KLF8: variants seen among roughly 807,000 people sequenced by gnomAD.
KLF8 encodes the protein KLF transcription factor 8, also known as Krueppel-like factor 8.
In KLF8, 10 loss-of-function variants were observed where a neutral mutation model predicts 18.2. That is an observed-to-expected ratio of 0.55 (90% CI 0.34 to 0.93). The LOEUF is 0.93. KLF8 is among the 40% of genes least tolerant of loss of function. The pLI, the probability that KLF8 is intolerant of heterozygous loss-of-function variation, is 0.02. For missense variants in KLF8, 264 were observed against 277.9 expected, an observed-to-expected ratio of 0.95 and a Z score of 0.36; for synonymous variants, 109 against 97.3, an observed-to-expected ratio of 1.12 and a Z score of -0.71.
At chrX:55,998,299 C>A in the KLF8 span, among the ~76,000 whole-genome samples, 1 of 111,041 alleles carries the variant, frequency 9.0e-6, no homozygotes, top group Non-Finnish European at 1.9e-5. Flanking sequence ...TATACTAATC[C>A]TCCTCAGCAC....
the KLF8 span, among the ~76,000 whole-genome samples, chrX:56,213,848 G>GT: frequency 9.0e-6 from 1 of 111,357 alleles, no homozygotes; most frequent in East Asian, 2.8e-4. Flanking sequence ...CAGGATCAGT[G>GT]TGACAGGCTT....
At chrX:56,268,851 T>C in intron 3 of KLF8, 1 of 858,116 alleles carries the variant, frequency 1.2e-6, no homozygotes, top group Non-Finnish European at 1.4e-6. Context: ...AAAGGAAGGT[T>C]GTATCAAGCA....
At chrX:56,182,779 G>A in the KLF8 span, among the ~76,000 whole-genome samples, 1 of 112,736 alleles carries the variant, frequency 8.9e-6, no homozygotes, top group African/African-American at 3.2e-5. Context: ...AGGCTGCAGA[G>A]CAGAAAATAT....
the KLF8 span, among the ~76,000 whole-genome samples, chrX:56,085,864 G>A: frequency 8.9e-6 from 1 of 111,988 alleles, no homozygotes; most frequent in Non-Finnish European, 1.9e-5. Context: ...ATGGCAAGAT[G>A]GCAGCTTGAA....
chrX:56,277,796 C>T (rs1456961027), intron 5 of KLF8, among the ~76,000 whole-genome samples: 1 of 112,488 alleles, frequency 8.9e-6, no homozygotes, highest in Non-Finnish European at 1.9e-5. Context: ...AAGCCAGGAA[C>T]TCTAGTCAAA....
At chrX:55,964,545 C>A in the KLF8 span, among the ~76,000 whole-genome samples, 2 of 111,629 alleles carry the variant, frequency 1.8e-5, no homozygotes, top group Non-Finnish European at 3.8e-5. Flanking sequence ...CCACTGCACT[C>A]CAGCCTGGGT....
At chrX:56,086,325 C>T in the KLF8 span, among the ~76,000 whole-genome samples, 2 of 111,595 alleles carry the variant, frequency 1.8e-5, no homozygotes, top group East Asian at 5.6e-4. Flanking sequence ...TTAGTGACTC[C>T]ACCTCCCAGT....
the KLF8 span, among the ~76,000 whole-genome samples, chrX:56,192,739 T>C: frequency 8.9e-6 from 1 of 112,488 alleles, no homozygotes; most frequent in African/African-American, 3.2e-5. Flanking sequence ...TAAATGGTGC[T>C]GGGAAAACTG....
chrX:56,196,276 C>A, the KLF8 span, among the ~76,000 whole-genome samples: 1 of 111,478 alleles, frequency 9.0e-6, no homozygotes, highest in East Asian at 2.8e-4. Flanking sequence ...AATTAAAAGA[C>A]ACAGACTGGC....
At chrX:56,067,126 A>G in the KLF8 span, among the ~76,000 whole-genome samples, 1 of 106,978 alleles carries the variant, frequency 9.3e-6, no homozygotes, top group Non-Finnish European at 1.9e-5. Flanking sequence ...CTTCAAGATG[A>G]TACTGTCTAC....
the KLF8 span, among the ~76,000 whole-genome samples, chrX:56,161,210 T>G: frequency 2.7e-5 from 3 of 111,998 alleles, no homozygotes; most frequent in African/African-American, 3.2e-5. Context: ...GAATGCTGAA[T>G]ATTGGCCCCC....
At chrX:55,963,727 G>A in the KLF8 span, among the ~76,000 whole-genome samples, 10 of 111,364 alleles carry the variant, frequency 9.0e-5, no homozygotes, top group Non-Finnish European at 1.7e-4. Flanking sequence ...GGCAGAAAAC[G>A]AACAAAGATA....
At chrX:56,125,376 A>G in the KLF8 span, among the ~76,000 whole-genome samples, 1 of 111,846 alleles carries the variant, frequency 8.9e-6, no homozygotes, top group East Asian at 2.8e-4. Flanking sequence ...TCTGTCCTAT[A>G]CTAAAGATGG....
Position 56,237,399 on chromosome X carries a change from A to ATGTG in KLF8, c.7+4074_7+4077dup, listed in dbSNP as rs748941653. 2.0e-4 allele frequency among the ~76,000 whole-genome samples: 21 copies of ATGTG among 106,442 alleles called. No homozygotes were observed. The Middle Eastern group carries it at 0.014, about 73-fold the overall frequency. 92.4% of individuals were successfully genotyped at this position (106,442 alleles called of 115,157 possible). On this transcript the variant is annotated intron_variant, in intron 1 of 5. Transcript: ENST00000468660. ...ATGAGGTAGTTTCTATTATATATAT[A>ATGTG]TGTGTGTGTGTGTGTGTGTTTGTGT...
At chrX:56,221,095 T>C in the KLF8 span, among the ~76,000 whole-genome samples, 2 of 112,494 alleles carry the variant, frequency 1.8e-5, no homozygotes, top group African/African-American at 3.2e-5. Context: ...ATAAGCCATA[T>C]TGATTATTTC....
the KLF8 span, among the ~76,000 whole-genome samples, chrX:55,937,775 C>T: frequency 3.6e-5 from 4 of 111,305 alleles, no homozygotes; most frequent in East Asian, 2.8e-4. Flanking sequence ...AGAGTATCAG[C>T]GATGGAAGAT....
the KLF8 span, among the ~76,000 whole-genome samples, chrX:55,947,276 G>T: frequency 3.1e-4 from 34 of 110,387 alleles, 1 homozygote; most frequent in African/African-American, 1.1e-3. Context: ...AGAAAATGTG[G>T]CACATATACA....
At chrX:56,117,843 G>A in the KLF8 span, among the ~76,000 whole-genome samples, 1 of 111,745 alleles carries the variant, frequency 8.9e-6, no homozygotes, top group East Asian at 2.8e-4. Context: ...TGAGCTGCTA[G>A]GACAAAGTAC....
At chrX:56,053,739 G>A in the KLF8 span, among the ~76,000 whole-genome samples, 1 of 109,477 alleles carries the variant, frequency 9.1e-6, no homozygotes, top group Non-Finnish European at 1.9e-5. Flanking sequence ...TCTTGGGAGG[G>A]TGTATGTGTC....
Sources: gnomAD v4.1 joint callset for allele counts (sites outside exome capture counted in the v4.1 genomes callset) on GRCh38, gnomAD v4.1.1 for gene constraint, MANE v1.5 for transcripts, NCBI Gene and HGNC (gene_info 2026-07-23, HGNC 2026-07-21) for gene names.